The following XIRP2 variants were observed in gnomAD, a reference collection of about 807,000 sequenced individuals.
The protein encoded by XIRP2 is xin actin binding repeat containing 2.
In XIRP2, 236 loss-of-function variants were observed where a neutral mutation model predicts 277.0. The observed-to-expected ratio is 0.85, with a 90% CI of 0.77 to 0.95. The LOEUF (loss-of-function observed/expected upper bound fraction) is 0.95. XIRP2 is among the 40% of genes least tolerant of loss of function. The pLI, the probability that XIRP2 is intolerant of heterozygous loss-of-function variation, is 0.00. For missense variants in XIRP2, 4,640 were observed against 4,157.5 expected (o/e 1.12, Z -3.19); for synonymous variants, 1,490 against 1,416.5 (o/e 1.05, Z -1.17).
intron 2 of XIRP2, among the ~76,000 whole-genome samples, chr2:167,080,154 G>A (rs186627531): frequency 3.0e-4 from 45 of 152,240 alleles, no homozygotes; most frequent in South Asian, 4.1e-4. Flanking sequence ...AATAAATGGC[G>A]AAAAGTGGTA....
At chr2:167,151,096 T>G (rs1056936666) in intron 3 of XIRP2, among the ~76,000 whole-genome samples, 1 of 152,112 alleles carries the variant, frequency 6.6e-6, no homozygotes, top group African/African-American at 2.4e-5. Context: ...GAGCAAAGTC[T>G]AGATTCTTCT....
chr2:167,001,016 C>T (rs559365333), intron 2 of XIRP2, among the ~76,000 whole-genome samples: 17 of 152,042 alleles, frequency 1.1e-4, no homozygotes, highest in East Asian at 5.8e-4. Context: ...CTGTAAATAG[C>T]CCCTTCACTT....
At chr2:167,041,144 C>T (rs1039721690) in intron 2 of XIRP2, among the ~76,000 whole-genome samples, 11 of 152,184 alleles carry the variant, frequency 7.2e-5, no homozygotes, top group South Asian at 2.1e-4. Flanking sequence ...AGGCTAGGAG[C>T]GCTGAGCTAA....
intron 2 of XIRP2, among the ~76,000 whole-genome samples, chr2:167,008,584 T>C (rs1219245694): frequency 6.6e-6 from 1 of 151,554 alleles, no homozygotes; most frequent in Non-Finnish European, 1.5e-5. Flanking sequence ...GCAACAGTGG[T>C]TTGAAGATTT....
At chr2:167,239,555 C>G (rs73029754) in intron 5 of XIRP2, among the ~76,000 whole-genome samples, 1 of 152,134 alleles carries the variant, frequency 6.6e-6, no homozygotes, top group Non-Finnish European at 1.5e-5. Flanking sequence ...CCTCTAGAAG[C>G]TGCAAAAGGC....
chr2:166,996,585 C>A (rs1197219838), intron 2 of XIRP2, among the ~76,000 whole-genome samples: 1 of 152,104 alleles, frequency 6.6e-6, no homozygotes, highest in East Asian at 1.9e-4. Context: ...CGAAATCATG[C>A]CACTGCACTA....
At position 167,249,655 on chromosome 2, in the gene XIRP2, G is replaced by A. The variant is rs749501915; in HGVS notation, c.8263G>A (p.Glu2755Lys). Reference protein sequence around the residue: ...KKQYLKTKKTEASTECSHKQS... With the variant: ...KKQYLKTKKTKASTECSHKQS... ...ACAATATCTGAAAACCAAGAAAACT[G>A]AAGCAAGCACTGAATGTAGTCATAA... The change falls in exon 9 of 11, where the codon GAA becomes AAA. Residue 2755 changes from glutamate (E) to lysine (K), a missense_variant. Glu to Lys is a moderately conservative substitution (Grantham distance 56). Coordinates refer to ENST00000409195, the MANE Select transcript of XIRP2 (RefSeq NM_152381.6). 1 of 1,613,438 alleles carries A rather than the reference G, an allele frequency of 6.2e-7. No homozygotes were observed. The highest frequency in any genetic ancestry group is 1.1e-5 in the South Asian group (1 of 91,064).
At chr2:166,971,952 A>AT (rs1361979676) in intron 2 of XIRP2, among the ~76,000 whole-genome samples, 1 of 152,142 alleles carries the variant, frequency 6.6e-6, no homozygotes, top group African/African-American at 2.4e-5. Context: ...GAATGTAAAT[A>AT]TAAAGGACAT....
intron 3 of XIRP2, among the ~76,000 whole-genome samples, chr2:167,154,605 C>T (rs1692126848): frequency 6.6e-6 from 1 of 152,016 alleles, no homozygotes; most frequent in South Asian, 2.1e-4. Flanking sequence ...GGAAGGGATC[C>T]AGTTTCAGCT....
chr2:167,111,135 C>T (rs1213285692), intron 2 of XIRP2, among the ~76,000 whole-genome samples: 1 of 152,082 alleles, frequency 6.6e-6, no homozygotes, highest in Non-Finnish European at 1.5e-5. Context: ...AATAATTTGA[C>T]TTTGTCTCTT....
intron 2 of XIRP2, among the ~76,000 whole-genome samples, chr2:166,922,446 G>T (rs982552247): frequency 1.3e-5 from 2 of 152,076 alleles, no homozygotes; most frequent in Non-Finnish European, 2.9e-5. Flanking sequence ...GTACAACAAT[G>T]AGCATATTGT....
intron 2 of XIRP2, among the ~76,000 whole-genome samples, chr2:166,977,267 C>T (rs1686739645): frequency 6.6e-6 from 1 of 152,058 alleles, no homozygotes; most frequent in South Asian, 2.1e-4. Context: ...CAATGGTTTT[C>T]AAATTTAGAA....
intron 2 of XIRP2, among the ~76,000 whole-genome samples, chr2:167,064,556 T>C (rs1689254459): frequency 6.6e-6 from 1 of 151,958 alleles, no homozygotes; most frequent in Non-Finnish European, 1.5e-5. Flanking sequence ...CTTTTAAGTG[T>C]ACAGTTCAGT....
At chr2:167,026,435 G>A (rs1025502840) in intron 2 of XIRP2, among the ~76,000 whole-genome samples, 3 of 152,094 alleles carry the variant, frequency 2.0e-5, no homozygotes, top group African/African-American at 4.8e-5. Flanking sequence ...TCTTTTAATT[G>A]GAGCATTTAT....
At chr2:167,038,234 TCTTGA>T (rs1328012562) in intron 2 of XIRP2, among the ~76,000 whole-genome samples, 2 of 152,010 alleles carry the variant, frequency 1.3e-5, no homozygotes, top group Admixed American at 1.3e-4. Flanking sequence ...AAAACAAATT[TCTTGA>T]CTTGGGATTA....
intron 2 of XIRP2, among the ~76,000 whole-genome samples, chr2:166,948,936 TA>T (rs1685955065): frequency 1.3e-5 from 2 of 152,050 alleles, no homozygotes; most frequent in African/African-American, 4.8e-5. Flanking sequence ...TACTAGAGAA[TA>T]AAATAATAGC....
chr2:167,061,276 A>ACAAT (rs1689165884), intron 2 of XIRP2, among the ~76,000 whole-genome samples: 1 of 152,150 alleles, frequency 6.6e-6, no homozygotes, highest in East Asian at 1.9e-4. Flanking sequence ...TTCTACATGA[A>ACAAT]CAATCATGTT....
intron 4 of XIRP2, 140 bp downstream of exon 4, chr2:167,211,035 C>T: frequency 9.8e-6 from 10 of 1,019,256 alleles, no homozygotes; most frequent in South Asian, 1.8e-5. Flanking sequence ...TGAAATAAAT[C>T]CAGACTATCT....
chr2:167,026,023 T>A (rs973965363), intron 2 of XIRP2, among the ~76,000 whole-genome samples: 1 of 152,170 alleles, frequency 6.6e-6, no homozygotes, highest in Non-Finnish European at 1.5e-5. Flanking sequence ...TAACTTTCTG[T>A]CTCGTTGATC....
Sources: gnomAD v4.1 joint callset for allele counts (sites outside exome capture counted in the v4.1 genomes callset) on GRCh38, gnomAD v4.1.1 for gene constraint, MANE v1.5 for transcripts, NCBI Gene and HGNC (gene_info 2026-07-23, HGNC 2026-07-21) for gene names.